Variants in C20orf96 observed in about 807,000 individuals in gnomAD.
C20orf96 encodes chromosome 20 open reading frame 96.
In C20orf96, 57 loss-of-function variants were observed where a neutral mutation model predicts 52.6. That is an observed-to-expected ratio of 1.08 (90% CI 0.88 to 1.35). The LOEUF is 1.35. Among genes scored for constraint, C20orf96 ranks in the 40% most tolerant of loss-of-function variants. The pLI, the probability that C20orf96 is intolerant of heterozygous loss-of-function variation, is 0.00. For synonymous variants in C20orf96, 168 were observed against 157.2 expected, an observed-to-expected ratio of 1.07 and a Z score of -0.51; for missense variants, 478 against 443.6, an observed-to-expected ratio of 1.08 and a Z score of -0.70.
intron 3 of C20orf96, among the ~76,000 whole-genome samples, chr20:285,745 C>CTAATTTTT (rs2012368297): frequency 1.3e-5 from 2 of 152,246 alleles, no homozygotes; most frequent in South Asian, 4.1e-4. Flanking sequence ...CCACACCCAG[C>CTAATTTTT]TAATTTTTTA....
intron 4 of C20orf96, among the ~76,000 whole-genome samples, chr20:281,443 T>C (rs929227006): frequency 6.6e-6 from 1 of 152,186 alleles, no homozygotes. Flanking sequence ...TCTAACCCTC[T>C]ACCCCTGCCA....
chr20:284,850 C>A (rs1381354751), intron 3 of C20orf96, among the ~76,000 whole-genome samples: 6 of 152,136 alleles, frequency 3.9e-5, no homozygotes, highest in Admixed American at 2.6e-4. Flanking sequence ...GAGACTCTAT[C>A]TCAAAAAATA....
At chr20:279,415 C>A (rs2012189404) in intron 4 of C20orf96, 85 bp from the exon 5 acceptor site, 4 of 1,398,776 alleles carry the variant, frequency 2.9e-6, no homozygotes, top group Admixed American at 6.4e-5. Context: ...GCCGCCCCGG[C>A]CCCGCCAGAC....
At chr20:275,586 G>A (rs1161874628) in intron 10 of C20orf96, among the ~76,000 whole-genome samples, 1 of 152,188 alleles carries the variant, frequency 6.6e-6, no homozygotes, top group Non-Finnish European at 1.5e-5. Context: ...GAACAGGACA[G>A]ACTTCTCTCC....
chr20:278,847 A>G (rs1233563144), intron 5 of C20orf96, among the ~76,000 whole-genome samples: 2 of 135,296 alleles, frequency 1.5e-5, no homozygotes, highest in African/African-American at 5.7e-5. Flanking sequence ...GAGGGGAGTG[A>G]AGGGTGAAGA....
At chr20:287,423 G>A (rs1389624803) in intron 3 of C20orf96, among the ~76,000 whole-genome samples, 1 of 152,254 alleles carries the variant, frequency 6.6e-6, no homozygotes, top group East Asian at 1.9e-4. Flanking sequence ...TAATGATGTT[G>A]AACATCTTTT....
Position 276,065 on chromosome 20 carries a change from T to TTAATA in C20orf96, c.933_934insTATTA (p.Asn312TyrfsTer2). On this transcript the variant is annotated frameshift_variant, in exon 10 of 11. Coordinates refer to ENST00000360321, the MANE Select transcript of C20orf96 (RefSeq NM_153269.3). LOFTEE classifies it high-confidence loss of function. ...ACCTCGGCCCTTAATACAGGCATGT[T>TTAATA]CTCCTCAAACTGGTCAATAATCTGA... 1 of 1,614,086 alleles carries TTAATA rather than the reference T, an allele frequency of 6.2e-7. No individual in the cohort carries two copies. The highest frequency in any genetic ancestry group is 8.5e-7 in the Non-Finnish European group (1 of 1,180,000).
Position 271,272 on chromosome 20 carries a change from T to C in C20orf96, c.1032-5A>G. On this transcript the variant is annotated splice_polypyrimidine_tract_variant and splice_region_variant and intron_variant, in intron 10 of 10. Coordinates refer to ENST00000360321, the MANE Select transcript of C20orf96 (RefSeq NM_153269.3). The stretch of plus-strand genomic sequence containing the variant: ...ACATCCATGTCTGGGGTGCACCTGG[T>C]GGGAGGCAGCACAGAAGGCCATGAG... The C allele has an allele frequency of 6.4e-7, 1 of 1,551,788 alleles. No homozygotes were observed. The highest frequency in any genetic ancestry group is 8.7e-7 in the Non-Finnish European group (1 of 1,147,294).
rs770475121 is a variant in C20orf96 at position 278,358 on chromosome 20, C to T, written c.537G>A (p.Trp179Ter). 8 of 1,613,830 alleles carry T rather than the reference C, an allele frequency of 5.0e-6. No homozygotes were observed. Among genetic ancestry groups the T allele is most frequent in the Middle Eastern group, 1.6e-4 (1 of 6,082 alleles). ...LQQLKSELQEWEEKKKCKMSY... is the reference protein window; with the variant it reads ...LQQLKSELQE ...TCATCTTGCATTTCTTCTTTTCTTC[C>T]CACTCCTGAAGCTCAGATTTCAATT... The change falls in exon 6 of 11, where the codon TGG becomes TGA. Residue 179 changes from tryptophan to a stop codon, truncating the protein, a stop_gained. Transcript: ENST00000360321. LOFTEE classifies it high-confidence loss of function.
intron 10 of C20orf96, among the ~76,000 whole-genome samples, chr20:274,850 C>T (rs1057300129): frequency 1.2e-4 from 18 of 151,722 alleles, no homozygotes; most frequent in Admixed American, 2.6e-4. Context: ...GATGGAGTCT[C>T]GCTCTGTCAC....
chr20:276,916 C>CT, intron 8 of C20orf96, 37 bp from the exon 9 acceptor site: 1 of 1,612,440 alleles, frequency 6.2e-7, no homozygotes, highest in Non-Finnish European at 8.5e-7. Context: ...CCAGGTGCCT[C>CT]TTCCTGGGCA....
intron 9 of C20orf96, 142 bp from the exon 10 acceptor site, chr20:276,228 G>C: frequency 6.6e-7 from 1 of 1,504,898 alleles, no homozygotes; most frequent in East Asian, 2.3e-5. Flanking sequence ...ACTCCAGGGA[G>C]GGGACTTCCC....
In C20orf96 at chr20:275,982, C is replaced by G; in HGVS notation, c.1017G>C (p.Leu339=). ...AGATCACATACTTGGGTCTCCGAAG[C>G]AGAACATCCTCAAATATGACCTCTC... The part of the protein sequence containing the change: ...EPREVIFEDV[L]LRRPKCTPDM... Residue 339 remains leucine, a synonymous_variant, in exon 10 of 11, where the codon CTG becomes CTC. Transcript: ENST00000360321. The G allele has an allele frequency of 6.2e-7, 1 of 1,614,130 alleles. No homozygotes were observed. Among genetic ancestry groups the G allele is most frequent in the Non-Finnish European group, 8.5e-7 (1 of 1,180,008 alleles).
intron 3 of C20orf96, 143 bp from the exon 4 acceptor site, chr20:284,224 AG>A (rs2012325843): frequency 1.6e-6 from 1 of 634,712 alleles, no homozygotes; most frequent in African/African-American, 1.8e-5. Context: ...CACTAGACCG[AG>A]GGTGAAATTC....
rs1168624892 is a variant in C20orf96, at chr20:290,256, C to G, written c.69+3G>C. 1.2e-6 allele frequency: 2 copies of G among 1,611,252 alleles called. No individual in the cohort carries two copies. The highest frequency in any genetic ancestry group is 2.7e-5 in the African/African-American group (2 of 74,864). Reference sequence around the variant, plus strand: ...ACCCCAGCCCTAGTCCCCCAAGACTCACCGGAACCTGGAACTCCTGGACTA... The same window carrying G: ...ACCCCAGCCCTAGTCCCCCAAGACTGACCGGAACCTGGAACTCCTGGACTA... On this transcript the variant is annotated splice_donor_region_variant and intron_variant, in intron 2 of 10. Transcript: ENST00000360321.
intron 6 of C20orf96, 75 bp from the exon 7 acceptor site, chr20:277,458 C>A: frequency 6.5e-7 from 1 of 1,528,054 alleles, no homozygotes; most frequent in Non-Finnish European, 8.9e-7. Flanking sequence ...CCAGGAGGCC[C>A]AGGAGGCAAG....
chr20:283,260 T>C (rs796237441), intron 4 of C20orf96, among the ~76,000 whole-genome samples: 6 of 152,310 alleles, frequency 3.9e-5, no homozygotes, highest in African/African-American at 1.4e-4. Context: ...CATTGTCAGT[T>C]TCTAAGGCTT....
At chr20:281,892 G>A (rs372481047) in intron 4 of C20orf96, among the ~76,000 whole-genome samples, 43 of 152,078 alleles carry the variant, frequency 2.8e-4, no homozygotes, top group Admixed American at 2.2e-3. Flanking sequence ...ACCTGGGCTC[G>A]GAAGGTCCAG....
Position 279,197 on chromosome 20 carries a change from A to G in C20orf96, c.440T>C (p.Leu147Pro). 1.2e-6 allele frequency: 2 copies of G among 1,603,332 alleles called. No homozygotes were observed. Among genetic ancestry groups the G allele is most frequent in the Non-Finnish European group, 8.5e-7 (1 of 1,176,996 alleles). Residue 147 changes from leucine to proline, a missense_variant, in exon 5 of 11, where the codon CTG (leucine) becomes CCG (proline). By Grantham distance (98) the Leu-to-Pro change is moderately conservative (BLOSUM62 -3). Coordinates refer to ENST00000360321, the MANE Select transcript of C20orf96 (RefSeq NM_153269.3). The part of the protein sequence containing the change: ...ENSTTLHVRA[L>P]LQQQDTLATI... ...CGCCAGGGTGTCCTGCTGCTGCAGC[A>G]GGGCCCGCACGTGCAGGGTCGTGCT...
Sources: gnomAD v4.1 joint callset for allele counts (sites outside exome capture counted in the v4.1 genomes callset) on GRCh38, gnomAD v4.1.1 for gene constraint, MANE v1.5 for transcripts, NCBI Gene and HGNC (gene_info 2026-07-23, HGNC 2026-07-21) for gene names.